NINJ2: variants seen among roughly 807,000 people sequenced by gnomAD.
The protein encoded by NINJ2 is ninjurin 2.
A neutral mutation model predicts 11.7 loss-of-function variants in NINJ2; 12 were observed. The ratio of observed to expected loss-of-function variants is 1.02; its 90% CI spans 0.66 to 1.66. The LOEUF (loss-of-function observed/expected upper bound fraction) is 1.66, where lower values mean the gene tolerates loss of function less well. Among genes scored for constraint, NINJ2 ranks in the 40% most tolerant of loss-of-function variants. The pLI, the probability that NINJ2 is intolerant of heterozygous loss-of-function variation, is 0.00. For synonymous variants in NINJ2, 93 were observed against 76.8 expected (o/e 1.21, Z -1.10); for missense variants, 187 against 181.8 (o/e 1.03, Z -0.16).
intron 1 of NINJ2, among the ~76,000 whole-genome samples, chr12:629,894 A>ATATATAT (rs1555166134): frequency 6.0e-5 from 1 of 16,566 alleles, no homozygotes; most frequent in African/African-American, 9.3e-5. Context: ...AAAAAAAAAA[A>ATATATAT]AAATATATAT....
intron 1 of NINJ2, among the ~76,000 whole-genome samples, chr12:653,855 G>A (rs1421846700): frequency 6.6e-6 from 1 of 152,168 alleles, no homozygotes; most frequent in Non-Finnish European, 1.5e-5. Flanking sequence ...GACACAAAAA[G>A]AAGACTCAAC....
chr12:615,425 C>A (rs1177501038), intron 1 of NINJ2, among the ~76,000 whole-genome samples: 3 of 152,058 alleles, frequency 2.0e-5, no homozygotes, highest in Non-Finnish European at 4.4e-5. Context: ...CCCGTCTCTA[C>A]CAAAAATAAA....
rs1056104640 is a variant in NINJ2, at chr12:604,538, T to C, written c.34-38360A>G. 2.0e-5 allele frequency among the ~76,000 whole-genome samples: 3 copies of C among 152,258 alleles called. No individual in the cohort carries two copies. The East Asian group carries it at 5.8e-4, about 29-fold the overall frequency. ...CTGTAATCCCAGCTACTCGGGAGGCTGAGGCACGAGAATCGCTTGAACCTG... is the reference window on the plus strand; with the variant it reads ...CTGTAATCCCAGCTACTCGGGAGGCCGAGGCACGAGAATCGCTTGAACCTG... On this transcript the variant is annotated intron_variant, in intron 1 of 3. Transcript: ENST00000305108.
Position 585,515 on chromosome 12 carries a change from G to A in NINJ2, c.34-19337C>T. Among the ~76,000 whole-genome samples the A allele has an allele frequency of 6.7e-6, 1 of 149,950 alleles. No individual in the cohort carries two copies. The highest frequency in any genetic ancestry group is 1.5e-5 in the Non-Finnish European group (1 of 66,964). ...GAGGGAAGGGAAGGGAACGGTTGGA[G>A]GGAAGGGAAGGGAACGGTTGGAGGG... On this transcript the variant is annotated intron_variant, in intron 1 of 3. Coordinates refer to ENST00000305108, the MANE Select transcript of NINJ2 (RefSeq NM_016533.6). The surrounding 1 kb of genome is among the most constrained non-coding windows in gnomAD (Gnocchi z 4.1).
At chr12:600,080 C>G (rs1470412786) in intron 1 of NINJ2, among the ~76,000 whole-genome samples, 2 of 152,184 alleles carry the variant, frequency 1.3e-5, no homozygotes, top group African/African-American at 4.8e-5. Context: ...CTTCCGAACG[C>G]CTGAGCCACT....
At chr12:654,262 C>T (rs770547639) in intron 1 of NINJ2, among the ~76,000 whole-genome samples, 31 of 152,146 alleles carry the variant, frequency 2.0e-4, no homozygotes, top group East Asian at 7.7e-4. Flanking sequence ...CGGTGGCTCA[C>T]GCCTGTAATC....
intron 1 of NINJ2, among the ~76,000 whole-genome samples, chr12:577,422 TATATATAC>T (rs1237291666): frequency 2.9e-5 from 4 of 137,918 alleles, no homozygotes; most frequent in East Asian, 2.0e-4. Context: ...GTCTCATATA[TATATATAC>T]ATATATATAT....
Position 565,396 on chromosome 12 carries a change from G to C in NINJ2, c.268C>G (p.Leu90Val). ...IGVLLVVIAR[L>V]NLNEVEKQWR... ...TGCTTTTCTACCTCATTCAGGTTCAGCCGTGCTGCAGGGAAGTGGAGTGGG... is the reference window on the plus strand; with the variant it reads ...TGCTTTTCTACCTCATTCAGGTTCACCCGTGCTGCAGGGAAGTGGAGTGGG... The change falls in exon 3 of 4, where the codon CTG becomes GTG. Residue 90 changes from leucine to valine, a missense_variant. Coordinates refer to ENST00000305108, the MANE Select transcript of NINJ2 (RefSeq NM_016533.6). 1 of 1,614,038 alleles carries C rather than the reference G, an allele frequency of 6.2e-7. No homozygotes were observed.
At chr12:657,988 CTTTTTTTTTTT>C (rs1164230214) in intron 1 of NINJ2, among the ~76,000 whole-genome samples, 1 of 54,396 alleles carries the variant, frequency 1.8e-5, no homozygotes, top group Non-Finnish European at 3.2e-5. Context: ...CCTACACAGG[CTTTTTTTTTTT>C]TTTTTTTTTT....
chr12:629,974 G>C (rs1948259330), intron 1 of NINJ2, among the ~76,000 whole-genome samples: 1 of 141,228 alleles, frequency 7.1e-6, no homozygotes, highest in Admixed American at 7.6e-5. Flanking sequence ...TAGTGTTGCT[G>C]TATTTTATGT....
At chr12:611,263 T>TTCTCTCTCTC (rs138571960) in intron 1 of NINJ2, among the ~76,000 whole-genome samples, 16 of 126,456 alleles carry the variant, frequency 1.3e-4, no homozygotes, top group African/African-American at 4.4e-4. Flanking sequence ...CTCTCTTTCT[T>TTCTCTCTCTC]TCTTTCTTTC....
intron 1 of NINJ2, among the ~76,000 whole-genome samples, chr12:630,192 GC>G (rs1157878031): frequency 6.6e-5 from 10 of 151,976 alleles, no homozygotes; most frequent in African/African-American, 2.4e-4. Flanking sequence ...CCTGGGGACT[GC>G]CTGCCTTTGA....
chr12:650,179 G>A (rs11614126), intron 1 of NINJ2, among the ~76,000 whole-genome samples: 23,936 of 151,366 alleles, frequency 0.16, 2,371 homozygotes, highest in South Asian at 0.27. Context: ...CTGCCTCCCA[G>A]GTTCAAGCGA....
chr12:634,305 G>T (rs1250711414), intron 1 of NINJ2, among the ~76,000 whole-genome samples: 1 of 97,572 alleles, frequency 1.0e-5, no homozygotes, highest in African/African-American at 3.1e-5. Context: ...TGTCTCCCGG[G>T]CTGGAGTACA....
chr12:596,781 G>A (rs1259479968), intron 1 of NINJ2, among the ~76,000 whole-genome samples: 1 of 151,978 alleles, frequency 6.6e-6, no homozygotes, highest in East Asian at 1.9e-4. Context: ...AAAATTAGCC[G>A]GGCGTGGCGG....
intron 1 of NINJ2, among the ~76,000 whole-genome samples, chr12:607,798 G>A (rs1286093520): frequency 6.6e-6 from 1 of 152,198 alleles, no homozygotes; most frequent in African/African-American, 2.4e-5. Context: ...CACAGGACTG[G>A]GGGTGGAAGG....
At chr12:609,034 ACG>A (rs1264041887) in intron 1 of NINJ2, among the ~76,000 whole-genome samples, 12 of 149,928 alleles carry the variant, frequency 8.0e-5, no homozygotes, top group Non-Finnish European at 1.3e-4. Flanking sequence ...GGCTGTACGC[ACG>A]CACGGCGCCA....
At chr12:610,268 C>T in intron 1 of NINJ2, 1 of 1,269,364 alleles carries the variant, frequency 7.9e-7, no homozygotes, top group Non-Finnish European at 1.1e-6. Context: ...TCTGGCAGCC[C>T]TCTTCACCTG....
intron 1 of NINJ2, among the ~76,000 whole-genome samples, chr12:620,067 G>C (rs1948134601): frequency 6.6e-6 from 1 of 152,142 alleles, no homozygotes; most frequent in Non-Finnish European, 1.5e-5. Flanking sequence ...TCTCTTGTCT[G>C]ACTGTTTCCC....
Sources: gnomAD v4.1 joint callset for allele counts (sites outside exome capture counted in the v4.1 genomes callset) on GRCh38, gnomAD v4.1.1 for gene constraint, Gnocchi (gnomAD v3.1) non-coding constraint, MANE v1.5 for transcripts, NCBI Gene and HGNC (gene_info 2026-07-23, HGNC 2026-07-21) for gene names.